Variants in NYAP2 observed in about 807,000 individuals in gnomAD.
NYAP2 encodes neuronal tyrosine-phosphorylated phosphoinositide-3-kinase adapter 2.
A neutral mutation model predicts 50.4 loss-of-function variants in NYAP2; 23 were observed. The ratio of observed to expected loss-of-function variants is 0.46; its 90% CI spans 0.33 to 0.65. NYAP2 has a LOEUF of 0.65. NYAP2 is among the 30% of genes least tolerant of loss of function. The pLI is 0.02. For missense variants in NYAP2, 885 were observed against 861.0 expected, an observed-to-expected ratio of 1.03 and a Z score of -0.35; for synonymous variants, 394 against 365.2, an observed-to-expected ratio of 1.08 and a Z score of -0.90.
At chr2:225,489,832 A>T (rs909710054) in intron 3 of NYAP2, among the ~76,000 whole-genome samples, 1 of 152,200 alleles carries the variant, frequency 6.6e-6, no homozygotes, top group African/African-American at 2.4e-5. Context: ...CTTGACCCAG[A>T]TCAAATAATA....
chr2:225,482,758 G>A (rs968028704), intron 3 of NYAP2, among the ~76,000 whole-genome samples: 4 of 152,088 alleles, frequency 2.6e-5, no homozygotes, highest in Non-Finnish European at 4.4e-5. Flanking sequence ...TCTCTTAGCT[G>A]GATTCCCTAG....
At chr2:225,401,119 TA>T in intron 2 of NYAP2, 76 bp downstream of exon 2, 1 of 152,508 alleles carries the variant, frequency 6.6e-6, no homozygotes. Flanking sequence ...AATCTGGTGA[TA>T]AAATGGAATG....
At chr2:225,441,914 G>A (rs1272876180) in intron 3 of NYAP2, among the ~76,000 whole-genome samples, 1 of 152,136 alleles carries the variant, frequency 6.6e-6, no homozygotes, top group African/African-American at 2.4e-5. Flanking sequence ...ACATACCCAT[G>A]TACTGTACTT....
intron 4 of NYAP2, among the ~76,000 whole-genome samples, chr2:225,545,889 C>A (rs546981383): frequency 6.6e-6 from 1 of 152,118 alleles, no homozygotes; most frequent in Non-Finnish European, 1.5e-5. Flanking sequence ...AAGCCCTACT[C>A]GTGTTAGGGA....
At chr2:225,516,143 G>A (rs781623878) in intron 4 of NYAP2, among the ~76,000 whole-genome samples, 1 of 152,090 alleles carries the variant, frequency 6.6e-6, no homozygotes, top group Non-Finnish European at 1.5e-5. Context: ...CCATTCACTT[G>A]TCTTAAAAAT....
At chr2:225,495,258 A>G (rs1466956765) in intron 3 of NYAP2, among the ~76,000 whole-genome samples, 1 of 152,142 alleles carries the variant, frequency 6.6e-6, no homozygotes, top group African/African-American at 2.4e-5. Context: ...TATGAAGTGA[A>G]TTTGGGGGAA....
At chr2:225,536,209 A>G (rs1388020461) in intron 4 of NYAP2, among the ~76,000 whole-genome samples, 1 of 152,194 alleles carries the variant, frequency 6.6e-6, no homozygotes, top group Admixed American at 6.5e-5. Flanking sequence ...ACCCCTTTCC[A>G]GCTGCTGCTG....
At chr2:225,673,595 T>G in the NYAP2 span, among the ~76,000 whole-genome samples, 8 of 152,268 alleles carry the variant, frequency 5.3e-5, no homozygotes, top group Non-Finnish European at 8.8e-5. Flanking sequence ...CAAACTACAC[T>G]TTTTAAATTT....
At chr2:225,625,080 T>G (rs1207649458) in intron 5 of NYAP2, among the ~76,000 whole-genome samples, 1 of 146,634 alleles carries the variant, frequency 6.8e-6, no homozygotes, top group East Asian at 2.0e-4. Context: ...AAATTCAGAT[T>G]TTTTGAATCA....
chr2:225,495,339 A>G (rs1690485225), intron 3 of NYAP2, among the ~76,000 whole-genome samples: 1 of 152,208 alleles, frequency 6.6e-6, no homozygotes, highest in African/African-American at 2.4e-5. Context: ...CAATGAGAAT[A>G]GATTGAACTC....
chr2:225,503,988 T>C (rs745603251), intron 3 of NYAP2, among the ~76,000 whole-genome samples: 12 of 152,166 alleles, frequency 7.9e-5, no homozygotes, highest in Non-Finnish European at 1.2e-4. Context: ...TTTTCCTTCA[T>C]GGTGCTCTAG....
intron 3 of NYAP2, among the ~76,000 whole-genome samples, chr2:225,465,775 C>T (rs1689906818): frequency 6.6e-6 from 1 of 152,200 alleles, no homozygotes. Context: ...TGTTGAAAGA[C>T]ATGTCAGGTG....
chr2:225,433,348 CCTAT>C (rs1403993794), intron 3 of NYAP2, among the ~76,000 whole-genome samples: 6 of 96,124 alleles, frequency 6.2e-5, no homozygotes, highest in African/African-American at 1.4e-4. Flanking sequence ...GTAGTGAGAC[CCTAT>C]CTGTTTAAAA....
intron 3 of NYAP2, among the ~76,000 whole-genome samples, chr2:225,470,587 G>A (rs1161413075): frequency 6.6e-6 from 1 of 152,062 alleles, no homozygotes; most frequent in African/African-American, 2.4e-5. Context: ...ACATCATAGG[G>A]GGAATGCCTG....
chr2:225,421,580 C>T (rs1695215360), intron 3 of NYAP2, among the ~76,000 whole-genome samples: 1 of 152,178 alleles, frequency 6.6e-6, no homozygotes, highest in South Asian at 2.1e-4. Context: ...TCCTCCTATA[C>T]CAGGTTGGAA....
At chr2:225,427,554 C>T (rs748524327) in intron 3 of NYAP2, among the ~76,000 whole-genome samples, 3 of 152,178 alleles carry the variant, frequency 2.0e-5, no homozygotes, top group Non-Finnish European at 4.4e-5. Flanking sequence ...ATTCACCACC[C>T]GTGTGGCTCC....
chr2:225,590,265 T>C (rs963338616), intron 5 of NYAP2, among the ~76,000 whole-genome samples: 1 of 152,130 alleles, frequency 6.6e-6, no homozygotes, highest in African/African-American at 2.4e-5. Context: ...TTCCAGCAGC[T>C]CAGGAGGGAA....
exon 2 of NYAP2, chr2:225,400,723 C>G (rs1200585354): frequency 6.6e-6 from 1 of 152,066 alleles, no homozygotes; most frequent in Non-Finnish European, 1.5e-5. Context: ...CCTCTTTTCT[C>G]CGAATGTCGA....
chr2:225,668,998 G>C, the NYAP2 span, among the ~76,000 whole-genome samples: 1 of 97,302 alleles, frequency 1.0e-5, no homozygotes, highest in African/African-American at 4.1e-5. Context: ...GCTGCTAATG[G>C]CTTAAAATTG....
Sources: gnomAD v4.1 joint callset for allele counts (sites outside exome capture counted in the v4.1 genomes callset) on GRCh38, gnomAD v4.1.1 for gene constraint, MANE v1.5 for transcripts, NCBI Gene and HGNC (gene_info 2026-07-23, HGNC 2026-07-21) for gene names.